ABCA1: variants seen among roughly 807,000 people sequenced by gnomAD.
The protein encoded by ABCA1 is phospholipid-transporting ATPase ABCA1.
A neutral mutation model predicts 262.5 loss-of-function variants in ABCA1; 133 were observed. The observed-to-expected ratio is 0.51, with a 90% CI of 0.44 to 0.59. ABCA1 has a LOEUF of 0.59. ABCA1 is among the 20% of genes least tolerant of loss of function. The probability of loss-of-function intolerance (pLI) is 0.00; values close to 1 mark genes in which losing one functional copy is unlikely to be tolerated. For synonymous variants in ABCA1, 1,022 were observed against 1,043.5 expected, an observed-to-expected ratio of 0.98 and a Z score of 0.40; for missense variants, 2,452 against 2,777.5, an observed-to-expected ratio of 0.88 and a Z score of 2.63.
chr9:104,922,805 A>G (rs180746630), intron 1 of ABCA1, among the ~76,000 whole-genome samples: 85 of 152,254 alleles, frequency 5.6e-4, no homozygotes, highest in Non-Finnish European at 1.2e-3. Context: ...TCCGCCTCCC[A>G]GGTTCAAGCA....
chr9:104,846,648 T>C (rs1834918552), intron 7 of ABCA1, among the ~76,000 whole-genome samples: 1 of 152,180 alleles, frequency 6.6e-6, no homozygotes, highest in African/African-American at 2.4e-5. Context: ...CCAAGCATAA[T>C]CCTCAATGTG....
intron 2 of ABCA1, chr9:104,889,565 C>G (rs561073034): frequency 1.2e-5 from 2 of 161,584 alleles, no homozygotes; most frequent in African/African-American, 4.8e-5. Context: ...TAGCATTTTC[C>G]TGGAGCTCCT....
chr9:104,785,571 T>C lies in ABCA1; in HGVS notation c.6470A>G (p.Asp2157Gly), dbSNP rs756170181. Residue 2157 changes from aspartate to glycine, a missense_variant, in exon 49 of 50, where the codon GAT becomes GGT. By Grantham distance (94) the Asp-to-Gly change is moderately conservative. Around this residue, in one of 4 missense-constraint regions of ABCA1, gnomAD observed 752 missense variants for 944.5 expected, o/e 0.80. Transcript: ENST00000374736. ...GSNPDLKPVQ[D>G]FFGLAFPGSV... ...TCCAGGAAATGCAAGTCCAAAGAAA[T>C]CCTGGACAGGCTTCAGGTCCGGGTT... 1.2e-6 allele frequency: 2 copies of C among 1,613,694 alleles called. No individual in the cohort carries two copies. The highest frequency in any genetic ancestry group is 1.7e-5 in the Admixed American group (1 of 59,994).
chr9:104,878,502 G>T lies in ABCA1; in HGVS notation c.421+4537C>A, dbSNP rs1838338922. On this transcript the variant is annotated intron_variant, in intron 5 of 49. Transcript: ENST00000374736. ...AAGGAGAACTGCCTGGAGCAGCAGG[G>T]GGGTTTAGCCGTGATTTATTCCCAG... Among the ~76,000 whole-genome samples, 4 of 152,284 alleles carry T rather than the reference G, an allele frequency of 2.6e-5. No individual in the cohort carries two copies. In the South Asian group the frequency reaches 8.3e-4, roughly 32 times the overall value.
At chr9:104,819,433 G>C (rs1451252688) in intron 22 of ABCA1, among the ~76,000 whole-genome samples, 153 bp downstream of exon 22, 1 of 152,156 alleles carries the variant, frequency 6.6e-6, no homozygotes, top group East Asian at 1.9e-4. Context: ...CTCCTCTCAG[G>C]AATCTCAGTC....
chr9:104,862,646 G>GCCCCCC (rs1564197987), intron 5 of ABCA1, among the ~76,000 whole-genome samples: 2 of 2,894 alleles, frequency 6.9e-4, no homozygotes, highest in African/African-American at 1.6e-3. Flanking sequence ...GGCCGGGCCG[G>GCCCCCC]GCCGGGCCGG....
chr9:104,830,599 A>T (rs1469251901), intron 14 of ABCA1, among the ~76,000 whole-genome samples: 1 of 152,082 alleles, frequency 6.6e-6, no homozygotes, highest in African/African-American at 2.4e-5. Context: ...CTGAGGCAGG[A>T]GAATAGCTTG....
chr9:104,804,752 C>T, intron 31 of ABCA1, 32 bp from the exon 32 acceptor site: 1 of 1,549,998 alleles, frequency 6.5e-7, no homozygotes, highest in Non-Finnish European at 8.9e-7. Flanking sequence ...GCATACGGGT[C>T]TTTATAGACA....
chr9:104,872,466 C>G (rs1167131283), intron 5 of ABCA1, among the ~76,000 whole-genome samples: 2 of 152,140 alleles, frequency 1.3e-5, no homozygotes, highest in Non-Finnish European at 2.9e-5. Context: ...GGAGTCAGAC[C>G]CCGATTCAAC....
Position 104,829,146 on chromosome 9 carries a change from C to T in ABCA1, c.1893-8G>A. On this transcript the variant is annotated splice_region_variant and splice_polypyrimidine_tract_variant and intron_variant, in intron 14 of 49. Coordinates refer to ENST00000374736, the MANE Select transcript of ABCA1 (RefSeq NM_005502.4). Reference sequence around the variant, plus strand: ...CTCATCACCCGCAGAAAGCTGGAGGCCCCAAGGAAGGACAAGGGGAGAAAG... The same window carrying T: ...CTCATCACCCGCAGAAAGCTGGAGGTCCCAAGGAAGGACAAGGGGAGAAAG... 1 of 1,614,040 alleles carries T rather than the reference C, an allele frequency of 6.2e-7. No individual in the cohort carries two copies. Among genetic ancestry groups the T allele is most frequent in the Non-Finnish European group, 8.5e-7 (1 of 1,179,986 alleles).
chr9:104,798,673 C>T, intron 36 of ABCA1, 75 bp from the exon 37 acceptor site: 1 of 1,255,132 alleles, frequency 8.0e-7, no homozygotes, highest in Non-Finnish European at 1.1e-6. Context: ...GACATGGACA[C>T]ACAGACAAAC....
intron 45 of ABCA1, 128 bp downstream of exon 45, chr9:104,788,298 A>G: frequency 1.4e-6 from 2 of 1,387,694 alleles, no homozygotes; most frequent in Non-Finnish European, 2.0e-6. Context: ...AGATACAAAG[A>G]ACCAGCATTT....
At chr9:104,832,815 A>G in intron 11 of ABCA1, 44 bp from the exon 12 acceptor site, 1 of 1,580,268 alleles carries the variant, frequency 6.3e-7, no homozygotes, top group African/African-American at 1.3e-5. Context: ...CACCAACTAA[A>G]TCTTGAGGAG....
At chr9:104,846,791 C>T (rs1004261520) in intron 7 of ABCA1, among the ~76,000 whole-genome samples, 46 of 152,220 alleles carry the variant, frequency 3.0e-4, no homozygotes, top group African/African-American at 1.1e-3. Flanking sequence ...TACGCGGTCT[C>T]CCTTAAACGT....
chr9:104,837,560 G>A lies in ABCA1; in HGVS notation c.1062C>T (p.Tyr354=), dbSNP rs1302836812. 3 of 1,614,090 alleles carry A rather than the reference G, an allele frequency of 1.9e-6. No individual in the cohort carries two copies. The highest frequency in any genetic ancestry group is 2.5e-6 in the Non-Finnish European group (3 of 1,180,002). The change falls in exon 10 of 50, where the codon TAC becomes TAT. Residue 354 remains tyrosine (Y), a synonymous_variant. Transcript: ENST00000374736. ...ETFYDNSTTP[Y]CNDLMKNLES... ...CCAAATTCTTCATCAAATCATTGCAGTAAGGAGCTATGAAGAAGAGGAGAG... is the reference window on the plus strand; with the variant it reads ...CCAAATTCTTCATCAAATCATTGCAATAAGGAGCTATGAAGAAGAGGAGAG...
chr9:104,924,855 A>T (rs1486620968), intron 1 of ABCA1, among the ~76,000 whole-genome samples: 2 of 152,228 alleles, frequency 1.3e-5, no homozygotes, highest in Non-Finnish European at 2.9e-5. Flanking sequence ...AAAAAAATTT[A>T]AATGGAAAAA....
chr9:104,856,181 G>A, intron 7 of ABCA1: 1 of 1,438,604 alleles, frequency 7.0e-7, no homozygotes, highest in Non-Finnish European at 9.1e-7. Flanking sequence ...TCCAATTAAG[G>A]CCCTGCTTAA....
intron 3 of ABCA1, among the ~76,000 whole-genome samples, chr9:104,886,057 A>T (rs1017117995): frequency 1.3e-5 from 2 of 152,216 alleles, no homozygotes; most frequent in African/African-American, 4.8e-5. Context: ...GCATCGCATG[A>T]GACCTTGCAG....
intron 1 of ABCA1, among the ~76,000 whole-genome samples, chr9:104,922,509 T>C (rs1167781063): frequency 2.0e-5 from 3 of 152,166 alleles, no homozygotes; most frequent in Non-Finnish European, 2.9e-5. Context: ...CAGTTTCCCA[T>C]CTATAAAGAC....
Sources: gnomAD v4.1 joint callset for allele counts (sites outside exome capture counted in the v4.1 genomes callset) on GRCh38, gnomAD v4.1.1 for gene constraint, gnomAD v4.1.1 regional missense constraint, MANE v1.5 for transcripts, NCBI Gene and HGNC (gene_info 2026-07-23, HGNC 2026-07-21) for gene names.